GPC5: variants seen among roughly 807,000 people sequenced by gnomAD.
The protein encoded by GPC5 is glypican 5.
In GPC5, 47 loss-of-function variants were observed where a neutral mutation model predicts 53.9. The observed-to-expected ratio is 0.87, with a 90% CI of 0.69 to 1.11. The LOEUF (loss-of-function observed/expected upper bound fraction) is 1.11, where lower values mean the gene tolerates loss of function less well. GPC5 is among the 50% of genes most tolerant of loss of function. The pLI is 0.00. For missense variants in GPC5, 748 were observed against 713.1 expected (o/e 1.05, Z -0.56); for synonymous variants, 286 against 263.3 (o/e 1.09, Z -0.84).
At chr13:91,749,339 G>T (rs2037119611) in intron 4 of GPC5, among the ~76,000 whole-genome samples, 1 of 152,122 alleles carries the variant, frequency 6.6e-6, no homozygotes, top group Non-Finnish European at 1.5e-5. Flanking sequence ...CATCAATGTT[G>T]CTGTAAAAGA....
intron 2 of GPC5, among the ~76,000 whole-genome samples, chr13:91,453,257 G>T (rs545875920): frequency 1.3e-4 from 20 of 151,900 alleles, no homozygotes; most frequent in Admixed American, 7.9e-4. Context: ...TATTTAAAAA[G>T]CAGGTGAATT....
chr13:91,951,977 GT>G (rs2040029592), intron 6 of GPC5, among the ~76,000 whole-genome samples: 1 of 152,090 alleles, frequency 6.6e-6, no homozygotes, highest in Admixed American at 6.5e-5. Flanking sequence ...GGGTAAAGCT[GT>G]TTTTCTTGAA....
chr13:92,465,793 A>T (rs761550242), intron 7 of GPC5, among the ~76,000 whole-genome samples: 1 of 152,086 alleles, frequency 6.6e-6, no homozygotes, highest in Non-Finnish European at 1.5e-5. Flanking sequence ...CATTAGTCCA[A>T]TGACGTTCAT....
intron 1 of GPC5, among the ~76,000 whole-genome samples, chr13:91,411,556 C>T (rs1421341066): frequency 3.9e-5 from 6 of 152,290 alleles, no homozygotes; most frequent in Middle Eastern, 3.4e-3. Flanking sequence ...ACATAGGTCT[C>T]ACCTTTATAG....
intron 6 of GPC5, among the ~76,000 whole-genome samples, chr13:92,139,999 CAGAA>C (rs1326218369): frequency 1.3e-5 from 2 of 152,054 alleles, no homozygotes; most frequent in Admixed American, 6.6e-5. Context: ...TATTACTAAT[CAGAA>C]AGATATGACA....
chr13:92,546,968 T>C (rs924627622), intron 7 of GPC5, among the ~76,000 whole-genome samples: 2 of 152,170 alleles, frequency 1.3e-5, no homozygotes, highest in South Asian at 2.1e-4. Flanking sequence ...TAGCCATATG[T>C]AGAAAGCTGA....
intron 2 of GPC5, among the ~76,000 whole-genome samples, chr13:91,600,375 A>T (rs2033142453): frequency 6.6e-6 from 1 of 151,626 alleles, no homozygotes; most frequent in Admixed American, 6.6e-5. Context: ...GTGTATAGAC[A>T]TGTATATAAA....
At chr13:92,627,291 A>G (rs928839558) in intron 7 of GPC5, among the ~76,000 whole-genome samples, 2 of 152,208 alleles carry the variant, frequency 1.3e-5, no homozygotes, top group African/African-American at 4.8e-5. Flanking sequence ...TGAAGAGAGC[A>G]TGGCATTATT....
chr13:91,809,782 T>A (rs545032236), intron 5 of GPC5, among the ~76,000 whole-genome samples: 20 of 152,112 alleles, frequency 1.3e-4, no homozygotes, highest in African/African-American at 4.8e-4. Context: ...CTCTACAAAA[T>A]TTTAAATATA....
At chr13:91,834,278 C>T (rs1329498909) in intron 5 of GPC5, among the ~76,000 whole-genome samples, 7 of 152,160 alleles carry the variant, frequency 4.6e-5, no homozygotes, top group Non-Finnish European at 1.0e-4. Flanking sequence ...ATTCCATGCT[C>T]ATGGATAGAA....
At chr13:91,760,831 T>C (rs1023783144) in intron 5 of GPC5, among the ~76,000 whole-genome samples, 1 of 152,184 alleles carries the variant, frequency 6.6e-6, no homozygotes, top group Non-Finnish European at 1.5e-5. Context: ...CAAATATCTG[T>C]AGTGTAAAAA....
chr13:92,527,168 GA>G (rs1566276729), intron 7 of GPC5, among the ~76,000 whole-genome samples: 12 of 107,222 alleles, frequency 1.1e-4, no homozygotes, highest in Non-Finnish European at 1.2e-4. Context: ...AAGAAAGAAA[GA>G]AAGAGAAAGA....
rs571545009 is a variant in GPC5 at position 91,694,454 on chromosome 13, G to A, written c.1020+573G>A. Reference sequence around the variant, plus strand: ...CTCCAAAATCTGTCACAGTGATGGCGTGATAATTTTTAAAATGTAGTGTAT... The same window carrying A: ...CTCCAAAATCTGTCACAGTGATGGCATGATAATTTTTAAAATGTAGTGTAT... On this transcript the variant is annotated intron_variant, in intron 3 of 7. Coordinates refer to ENST00000377067, the MANE Select transcript of GPC5 (RefSeq NM_004466.6). Among the ~76,000 whole-genome samples the A allele has an allele frequency of 5.3e-4, 81 of 152,278 alleles. No homozygotes were observed. The Middle Eastern group carries it at 0.01, about 19-fold the overall frequency.
intron 7 of GPC5, among the ~76,000 whole-genome samples, chr13:92,720,464 T>C (rs67583228): frequency 0.073 from 11,058 of 152,182 alleles, 827 homozygotes; most frequent in East Asian, 0.32. Context: ...CATGTTTAAT[T>C]ATTCATAGAT....
chr13:92,780,004 G>C (rs1875960160), intron 7 of GPC5, among the ~76,000 whole-genome samples: 1 of 152,090 alleles, frequency 6.6e-6, no homozygotes, highest in African/African-American at 2.4e-5. Context: ...GATTTAAGCA[G>C]TCTTTCATAT....
chr13:91,828,138 C>T (rs1173925762), intron 5 of GPC5, among the ~76,000 whole-genome samples: 1 of 152,028 alleles, frequency 6.6e-6, no homozygotes, highest in African/African-American at 2.4e-5. Flanking sequence ...CAAATCAGAA[C>T]ATTGGTGCTT....
At chr13:91,978,038 A>T (rs2040323184) in intron 6 of GPC5, among the ~76,000 whole-genome samples, 1 of 152,176 alleles carries the variant, frequency 6.6e-6, no homozygotes, top group Admixed American at 6.6e-5. Context: ...TTGTAGTCCC[A>T]GCTACAGAGA....
chr13:91,444,254 G>A (rs1880631969), intron 1 of GPC5, among the ~76,000 whole-genome samples: 1 of 151,902 alleles, frequency 6.6e-6, no homozygotes. Flanking sequence ...CCTCATATCT[G>A]AGTTTTAAAA....
intron 6 of GPC5, among the ~76,000 whole-genome samples, chr13:92,144,210 G>T (rs1022743228): frequency 6.6e-6 from 1 of 152,122 alleles, no homozygotes; most frequent in African/African-American, 2.4e-5. Flanking sequence ...AAATACTTGA[G>T]AATCAAGAAC....
Sources: gnomAD v4.1 joint callset for allele counts (sites outside exome capture counted in the v4.1 genomes callset) on GRCh38, gnomAD v4.1.1 for gene constraint, MANE v1.5 for transcripts, NCBI Gene and HGNC (gene_info 2026-07-23, HGNC 2026-07-21) for gene names.